The following NKAIN2 variants were observed in gnomAD, a reference collection of about 807,000 sequenced individuals.
NKAIN2 encodes the protein sodium/potassium-transporting ATPase subunit beta-1-interacting protein 2.
A neutral mutation model predicts 32.6 loss-of-function variants in NKAIN2; 14 were observed. That is an observed-to-expected ratio of 0.43 (90% CI 0.28 to 0.67). The LOEUF (loss-of-function observed/expected upper bound fraction) is 0.67, where lower values mean the gene tolerates loss of function less well. Among genes scored for constraint, NKAIN2 ranks in the 30% least tolerant of loss-of-function variants. NKAIN2 has a pLI of 0.17. For synonymous variants in NKAIN2, 80 were observed against 87.2 expected (o/e 0.92, Z 0.46); for missense variants, 198 against 258.3 (o/e 0.77, Z 1.60).
chr6:123,969,342 GAAGTA>G (rs1778234335), intron 1 of NKAIN2, among the ~76,000 whole-genome samples: 1 of 152,156 alleles, frequency 6.6e-6, no homozygotes. Flanking sequence ...CTGTTGAAGT[GAAGTA>G]AAGAGGAAAT....
chr6:124,659,739 T>C (rs1205381796), intron 4 of NKAIN2, among the ~76,000 whole-genome samples: 5 of 151,998 alleles, frequency 3.3e-5, no homozygotes, highest in Non-Finnish European at 5.9e-5. Flanking sequence ...GGCACACACA[T>C]GCTTCTGCTT....
chr6:124,542,395 T>C (rs998406246), intron 3 of NKAIN2, among the ~76,000 whole-genome samples: 1 of 152,196 alleles, frequency 6.6e-6, no homozygotes, highest in African/African-American at 2.4e-5. Context: ...TATTTCATTC[T>C]TTGAATATTT....
intron 1 of NKAIN2, among the ~76,000 whole-genome samples, chr6:123,890,809 G>T (rs1773970801): frequency 6.6e-6 from 1 of 152,062 alleles, no homozygotes; most frequent in African/African-American, 2.4e-5. Flanking sequence ...ATTACCATGT[G>T]ATCCAGCAAT....
intron 3 of NKAIN2, among the ~76,000 whole-genome samples, chr6:124,466,977 T>A (rs976224688): frequency 2.6e-4 from 39 of 152,226 alleles, no homozygotes; most frequent in African/African-American, 9.4e-4. Flanking sequence ...TTCATAATTA[T>A]AAAAAATATT....
At chr6:124,578,532 T>C (rs1279206134) in intron 3 of NKAIN2, among the ~76,000 whole-genome samples, 1 of 151,966 alleles carries the variant, frequency 6.6e-6, no homozygotes, top group Non-Finnish European at 1.5e-5. Flanking sequence ...ATCTTGTGGC[T>C]TGGATGCCAG....
chr6:124,220,646 C>G (rs1422481115), intron 1 of NKAIN2, among the ~76,000 whole-genome samples: 3 of 151,448 alleles, frequency 2.0e-5, no homozygotes, highest in African/African-American at 7.3e-5. Context: ...ATTTAAGCCT[C>G]TTCATATGTA....
chr6:124,649,882 C>T (rs375678589), intron 3 of NKAIN2, among the ~76,000 whole-genome samples: 2 of 152,214 alleles, frequency 1.3e-5, no homozygotes, highest in East Asian at 1.9e-4. Flanking sequence ...AGATGTACAT[C>T]GTATCAATAG....
chr6:124,734,617 C>T (rs1275015465), intron 4 of NKAIN2, among the ~76,000 whole-genome samples: 2 of 151,722 alleles, frequency 1.3e-5, no homozygotes, highest in Non-Finnish European at 2.9e-5. Context: ...TCCTAAGAAA[C>T]CTTAACTGAC....
chr6:124,366,184 A>G (rs9388327), intron 3 of NKAIN2, among the ~76,000 whole-genome samples: 48,656 of 151,946 alleles, frequency 0.32, 8,667 homozygotes, highest in South Asian at 0.46. Flanking sequence ...AATAAAGCCA[A>G]ATTGCTTTTT....
At chr6:124,066,712 AG>A (rs1582570996) in intron 1 of NKAIN2, among the ~76,000 whole-genome samples, 1 of 152,186 alleles carries the variant, frequency 6.6e-6, no homozygotes, top group East Asian at 1.9e-4. Flanking sequence ...TTATGTAAAA[AG>A]CTTGTTATTT....
In NKAIN2 at chr6:124,075,784, C is replaced by G. The variant is rs185837217; in HGVS notation, c.55-207221C>G. ...CTAATTTTTGTATTTTTAGTACAGA[C>G]CAAGTTTCCCCATGTTGGCCAGGCT... On this transcript the variant is annotated intron_variant, in intron 1 of 6. Coordinates refer to ENST00000368417, the MANE Select transcript of NKAIN2 (RefSeq NM_001040214.3). Among the ~76,000 whole-genome samples the G allele has an allele frequency of 1.6e-3, 244 of 152,108 alleles. 3 individuals are homozygous for G. Among genetic ancestry groups the G allele is most frequent in the Non-Finnish European group, 3.2e-4 (22 of 67,974 alleles).
intron 3 of NKAIN2, among the ~76,000 whole-genome samples, chr6:124,540,939 G>C (rs564718165): frequency 1.3e-5 from 2 of 152,246 alleles, no homozygotes; most frequent in Admixed American, 1.3e-4. Flanking sequence ...CTGCATTTCT[G>C]CTTAAAATAT....
At chr6:124,292,098 A>G (rs566253993) in intron 2 of NKAIN2, among the ~76,000 whole-genome samples, 1 of 152,190 alleles carries the variant, frequency 6.6e-6, no homozygotes, top group East Asian at 1.9e-4. Flanking sequence ...TTTTTAATTT[A>G]TTTATGAAAA....
At chr6:124,819,365 T>TA (rs547379778) in intron 6 of NKAIN2, among the ~76,000 whole-genome samples, 2 of 152,088 alleles carry the variant, frequency 1.3e-5, no homozygotes, top group Non-Finnish European at 1.5e-5. Context: ...AGCTTCTCTT[T>TA]AAAAAAAGAA....
At chr6:124,369,814 G>C (rs997959813) in intron 3 of NKAIN2, among the ~76,000 whole-genome samples, 2 of 147,860 alleles carry the variant, frequency 1.4e-5, no homozygotes, top group African/African-American at 5.0e-5. Flanking sequence ...CATGATCCTT[G>C]GGACTCATTT....
intron 1 of NKAIN2, among the ~76,000 whole-genome samples, chr6:123,814,910 G>A (rs1773628376): frequency 6.6e-6 from 1 of 152,230 alleles, no homozygotes; most frequent in Non-Finnish European, 1.5e-5. Flanking sequence ...TTAGCCTGCA[G>A]TGCTGTGTTG....
intron 3 of NKAIN2, among the ~76,000 whole-genome samples, chr6:124,540,417 A>C (rs1275848749): frequency 1.3e-5 from 2 of 152,254 alleles, no homozygotes; most frequent in Admixed American, 1.3e-4. Context: ...TTATAAAGCT[A>C]TCTTTCTCTC....
At chr6:124,102,482 T>G (rs1217819404) in intron 1 of NKAIN2, among the ~76,000 whole-genome samples, 1 of 152,188 alleles carries the variant, frequency 6.6e-6, no homozygotes, top group Non-Finnish European at 1.5e-5. Context: ...GGAGGTGGGG[T>G]GACATTCTGA....
At chr6:124,439,020 A>T (rs1775579182) in intron 3 of NKAIN2, among the ~76,000 whole-genome samples, 1 of 152,102 alleles carries the variant, frequency 6.6e-6, no homozygotes, top group Admixed American at 6.6e-5. Flanking sequence ...TAATCTATTC[A>T]AGTGGTTCCC....
Sources: allele counts gnomAD v4.1 joint callset (sites outside exome capture counted in the v4.1 genomes callset), GRCh38; gene constraint gnomAD v4.1.1; transcripts MANE v1.5; gene names NCBI Gene and HGNC (gene_info 2026-07-23, HGNC 2026-07-21).